The following GATA4 variants were observed in gnomAD, a reference collection of about 807,000 sequenced individuals.
GATA4 encodes GATA binding protein 4, also known as transcription factor GATA-4.
In GATA4, 7 loss-of-function variants were observed where a neutral mutation model predicts 37.9. The ratio of observed to expected loss-of-function variants is 0.18; its 90% CI spans 0.11 to 0.35. The LOEUF is 0.35. Among genes scored for constraint, GATA4 ranks in the 10% least tolerant of loss-of-function variants. The probability of loss-of-function intolerance (pLI) is 1.00; values close to 1 mark genes in which losing one functional copy is unlikely to be tolerated. For synonymous variants in GATA4, 372 were observed against 292.6 expected (o/e 1.27, Z -2.77); for missense variants, 647 against 653.0 (o/e 0.99, Z 0.10).
chr8:11,702,418 G>A (rs1585581335), upstream of GATA4, among the ~76,000 whole-genome samples: 1 of 151,824 alleles, frequency 6.6e-6, no homozygotes, highest in Non-Finnish European at 1.5e-5. This position sits in a 1 kb window ranked among gnomAD's most constrained non-coding sequence, Gnocchi z 4.4. Context: ...CACTCTCCAG[G>A]AAGGCCTTGC....
intron 2 of GATA4, among the ~76,000 whole-genome samples, chr8:11,733,094 T>C (rs1801288081): frequency 6.6e-6 from 1 of 152,158 alleles, no homozygotes; most frequent in African/African-American, 2.4e-5. Context: ...ACTAAACAAA[T>C]GTAAATTCCC....
At position 11,758,947 on chromosome 8, in the gene GATA4, G is replaced by A. The variant is rs1321120623; in HGVS notation, c.*472G>A. ...CCCTTGCCCCATCCATCCGCTTGAG[G>A]CATGGCACCGCCCTGCATCCCTAAT... On this transcript the variant is annotated 3_prime_UTR_variant, in exon 7 of 7. Coordinates refer to ENST00000532059, the MANE Select transcript of GATA4 (RefSeq NM_001308093.3). 1.1e-5 allele frequency: 3 copies of A among 262,756 alleles called. No individual in the cohort carries two copies. Among genetic ancestry groups the A allele is most frequent in the East Asian group, 1.9e-4 (2 of 10,722 alleles). The allele number at this position is 262,756 out of a possible 1,614,324, so 16.3% of individuals were successfully genotyped here.
intron 6 of GATA4, among the ~76,000 whole-genome samples, 156 bp from the exon 7 acceptor site, chr8:11,758,137 G>A (rs1271969513): frequency 6.6e-6 from 1 of 152,150 alleles, no homozygotes; most frequent in Non-Finnish European, 1.5e-5. Flanking sequence ...AGATCACCGG[G>A]ATCAGGAGAA....
rs1800085268 is a variant in GATA4 at position 11,709,702 on chromosome 8, C to T, written c.616+774C>T. On this transcript the variant is annotated intron_variant, in intron 2 of 6. Transcript: ENST00000532059. The surrounding 1 kb of genome is among the most constrained non-coding windows in gnomAD (Gnocchi z 4.3). ...GCACGCGTGGAGCCTCCTCTTCTCG[C>T]GTGGGCCAGGGTTGGAAATAACCGT... Among the ~76,000 whole-genome samples, 1 of 152,262 alleles carries T rather than the reference C, an allele frequency of 6.6e-6. No individual in the cohort carries two copies. Among genetic ancestry groups the T allele is most frequent in the Non-Finnish European group, 1.5e-5 (1 of 68,024 alleles).
intron 2 of GATA4, among the ~76,000 whole-genome samples, chr8:11,729,655 T>G (rs979649592): frequency 2.6e-5 from 4 of 152,202 alleles, no homozygotes; most frequent in African/African-American, 9.7e-5. Flanking sequence ...CTCACAGCGT[T>G]GGTCTCTAGT....
chr8:11,750,298 CTT>C (rs1329676472), intron 4 of GATA4, 62 bp downstream of exon 4: 1 of 1,600,478 alleles, frequency 6.2e-7, no homozygotes, highest in Non-Finnish European at 8.5e-7. Context: ...TCAGTCCTCC[CTT>C]GTCTTCTTCC....
At chr8:11,713,466 TGA>T (rs1491253766) in intron 2 of GATA4, among the ~76,000 whole-genome samples, 3 of 152,052 alleles carry the variant, frequency 2.0e-5, no homozygotes, top group Non-Finnish European at 4.4e-5. Flanking sequence ...AATGGCTGCG[TGA>T]GTCCTTTAAG....
At chr8:11,683,217 C>A in intron 1 of GATA4, 1 of 807,146 alleles carries the variant, frequency 1.2e-6, no homozygotes, top group Non-Finnish European at 1.5e-6. Context: ...AGCATTTATC[C>A]GGAGCGGGGG....
chr8:11,742,050 A>G (rs1341841997), intron 2 of GATA4, among the ~76,000 whole-genome samples: 3 of 152,136 alleles, frequency 2.0e-5, no homozygotes, highest in Admixed American at 1.3e-4. Flanking sequence ...AAAGCTCATG[A>G]ACTTTCCTCC....
intron 2 of GATA4, among the ~76,000 whole-genome samples, chr8:11,742,518 T>C (rs542750313): frequency 1.4e-4 from 21 of 152,280 alleles, no homozygotes; most frequent in Non-Finnish European, 2.8e-4. Context: ...TTGTCCTTTA[T>C]AAGGGTCAGA....
chr8:11,755,048 C>A lies in GATA4; in HGVS notation c.915C>A (p.Val305=), dbSNP rs1802486000. Residue 305 remains valine, a splice_region_variant and synonymous_variant, in exon 5 of 7, where the codon GTC becomes GTA. Coordinates refer to ENST00000532059, the MANE Select transcript of GATA4 (RefSeq NM_001308093.3). ...TATATTTACTTGTGACCCTCCAGGT[C>A]CCCAGGCCTCTTGCAATGCGGAAAG... ...ACGLYMKLHG[V]PRPLAMRKEG... 1.9e-6 allele frequency: 3 copies of A among 1,613,510 alleles called. No homozygotes were observed. The highest frequency in any genetic ancestry group is 2.2e-5 in the South Asian group (2 of 91,060).
chr8:11,696,752 A>T (rs11777611), intron 1 of GATA4, among the ~76,000 whole-genome samples: 34,112 of 152,112 alleles, frequency 0.22, 4,863 homozygotes, highest in African/African-American at 0.4. Context: ...TCTGCATTGG[A>T]CGTGTGGAAA....
chr8:11,740,307 G>T (rs750838631), intron 2 of GATA4, among the ~76,000 whole-genome samples: 3 of 152,250 alleles, frequency 2.0e-5, no homozygotes, highest in Non-Finnish European at 4.4e-5. Context: ...GAGGTCTGCA[G>T]AGGGTGGCCA....
chr8:11,750,768 A>T (rs2645397), intron 4 of GATA4, among the ~76,000 whole-genome samples: 2 of 88,810 alleles, frequency 2.3e-5, no homozygotes, highest in Non-Finnish European at 4.3e-5. Context: ...CTTTGTCTCT[A>T]CTAAAAAAAA....
upstream of GATA4, among the ~76,000 whole-genome samples, chr8:11,691,490 A>G (rs931479612): frequency 4.6e-4 from 70 of 152,360 alleles, no homozygotes; most frequent in African/African-American, 1.5e-3. Flanking sequence ...CTTATTAAAG[A>G]TGAGGTTTCT....
At chr8:11,699,943 A>T (rs986346315), upstream of GATA4, among the ~76,000 whole-genome samples, 3 of 152,216 alleles carry the variant, frequency 2.0e-5, no homozygotes, top group Non-Finnish European at 4.4e-5. Flanking sequence ...TTCATGGTAG[A>T]AAGTCGATAT....
Position 11,708,545 on chromosome 8 carries a change from C to T in GATA4, c.233C>T (p.Ala78Val). 2.8e-6 allele frequency: 4 copies of T among 1,428,876 alleles called. No homozygotes were observed. Among genetic ancestry groups the T allele is most frequent in the Non-Finnish European group, 2.7e-6 (3 of 1,098,954 alleles). 88.5% of individuals were successfully genotyped at this position (1,428,876 alleles called of 1,614,324 possible). A position where few individuals can be genotyped will look rare whatever the true frequency, so the allele number is the denominator to read the frequency against. The change falls in exon 2 of 7, where the codon GCG becomes GTG. Residue 78 changes from alanine to valine, a missense_variant. Ala to Val is a moderately conservative substitution (Grantham distance 64). Transcript: ENST00000532059. This position sits in a 1 kb window ranked among gnomAD's most constrained non-coding sequence, Gnocchi z 6.7. ...AGCTCCGGTGGGGCCGCGTCTGGTGCGGGGCCCGGGACCCAGCAGGGCAGC... is the reference window on the plus strand; with the variant it reads ...AGCTCCGGTGGGGCCGCGTCTGGTGTGGGGCCCGGGACCCAGCAGGGCAGC... The part of the protein sequence containing the change: ...GGSSGGAASG[A>V]GPGTQQGSPG...
chr8:11,714,446 C>G (rs990275165), intron 2 of GATA4, among the ~76,000 whole-genome samples: 1 of 152,122 alleles, frequency 6.6e-6, no homozygotes, highest in Non-Finnish European at 1.5e-5. Context: ...TAGTGGCTTT[C>G]AAAGCCGGTT....
At chr8:11,713,263 A>G (rs1014327170) in intron 2 of GATA4, among the ~76,000 whole-genome samples, 3 of 152,240 alleles carry the variant, frequency 2.0e-5, no homozygotes, top group African/African-American at 7.2e-5. Flanking sequence ...CATATGAGCT[A>G]CGACCCTAAG....
Sources: allele counts gnomAD v4.1 joint callset (sites outside exome capture counted in the v4.1 genomes callset), GRCh38; gene constraint gnomAD v4.1.1; non-coding constraint Gnocchi (gnomAD v3.1); transcripts MANE v1.5; gene names NCBI Gene and HGNC (gene_info 2026-07-23, HGNC 2026-07-21).